SNRPN: variants seen among roughly 807,000 people sequenced by gnomAD.
SNRPN encodes small nuclear ribonucleoprotein-associated protein N.
In SNRPN, 7 loss-of-function variants were observed where a neutral mutation model predicts 25.2. The observed-to-expected ratio is 0.28, with a 90% CI of 0.16 to 0.52. The LOEUF (loss-of-function observed/expected upper bound fraction) is 0.52, where lower values mean the gene tolerates loss of function less well. Among genes scored for constraint, SNRPN ranks in the 20% least tolerant of loss-of-function variants. The pLI is 0.96. For synonymous variants in SNRPN, 124 were observed against 110.6 expected (o/e 1.12, Z -0.76); for missense variants, 196 against 322.5 (o/e 0.61, Z 3.00).
Position 24,834,751 on chromosome 15 carries a change from C to CTCTCTCTATA in SNRPN, c.-579+4847_-579+4848insCTCTCTATAT. Among the ~76,000 whole-genome samples, 118 of 60,946 alleles carry CTCTCTCTATA rather than the reference C, an allele frequency of 1.9e-3. 1 individual carries two copies. Among genetic ancestry groups the CTCTCTCTATA allele is most frequent in the Non-Finnish European group, 2.7e-3 (83 of 30,230 alleles). 40.0% of individuals were successfully genotyped at this position (60,946 alleles called of 152,430 possible). On this transcript the variant is annotated intron_variant, in intron 2 of 12. Coordinates refer to the SNRPN transcript ENST00000400100. Reference sequence around the variant, plus strand: ...TCCCTCTCTCTCTCTCTCTCTCTCTCTATATATATATATATATATATATAT... The same window carrying CTCTCTCTATA: ...TCCCTCTCTCTCTCTCTCTCTCTCTCTCTCTCTATATATATATATATATATATATATATAT...
chr15:24,909,120 T>A (rs1221178510), intron 2 of SNRPN: 8 of 1,338,410 alleles, frequency 6.0e-6, no homozygotes, highest in Middle Eastern at 2.5e-4. Context: ...TCCTCCATCA[T>A]GTCTGGAGTT....
intron 2 of SNRPN, among the ~76,000 whole-genome samples, chr15:24,913,355 T>C (rs2059329363): frequency 6.6e-6 from 1 of 151,428 alleles, no homozygotes; most frequent in Admixed American, 6.6e-5. Flanking sequence ...CAAGAAAGAG[T>C]ATAAGGGCTG....
Position 24,920,894 on chromosome 15 carries a change from T to C in SNRPN, c.-391+770T>C, listed in dbSNP as rs546582487. On this transcript the variant is annotated intron_variant, in intron 3 of 11. Transcript: ENST00000400097. ...TCATTTGCATAGCTATTGCTTTGTG[T>C]CTGTGTTTTAGGTCAGCTGCTGTTA... Among the ~76,000 whole-genome samples the C allele has an allele frequency of 1.2e-4, 18 of 152,338 alleles. No homozygotes were observed. In the East Asian group the frequency reaches 1.7e-3, roughly 15 times the overall value.
rs554069883 is a variant in SNRPN at position 24,908,909 on chromosome 15, A to G, written c.-504-11102A>G. 68 of 927,668 alleles carry G rather than the reference A, an allele frequency of 7.3e-5. 1 individual carries two copies. In the African/African-American group the frequency reaches 1.1e-3, roughly 15 times the overall value. The allele number at this position is 927,668 out of a possible 1,614,324, so 57.5% of individuals were successfully genotyped here. A position where few individuals can be genotyped will look rare whatever the true frequency, so the allele number is the denominator to read the frequency against. On this transcript the variant is annotated intron_variant, in intron 2 of 11. Coordinates refer to the SNRPN transcript ENST00000400097. ...GTTTATTGTCTGTATCTGAAAAATC[A>G]TCATAGAAAATTGTTTGGTTTAGCT...
chr15:24,896,517 C>A (rs939956749), intron 2 of SNRPN, among the ~76,000 whole-genome samples: 1 of 151,778 alleles, frequency 6.6e-6, no homozygotes, highest in Non-Finnish European at 1.5e-5. Context: ...GAGACCCCCC[C>A]GCCGGCTAAC....
chr15:24,867,790 A>G (rs2054721721), intron 1 of SNRPN, among the ~76,000 whole-genome samples: 1 of 152,158 alleles, frequency 6.6e-6, no homozygotes, highest in Non-Finnish European at 1.5e-5. Context: ...GATTATTGAT[A>G]ATAGCAGATT....
intron 1 of SNRPN, among the ~76,000 whole-genome samples, chr15:24,876,058 A>T (rs1182302950): frequency 6.6e-6 from 1 of 151,328 alleles, no homozygotes; most frequent in African/African-American, 2.4e-5. Context: ...TGTCTCAAAA[A>T]AAAAAGAAAA....
chr15:24,938,641 G>A (rs190420571), intron 3 of SNRPN, among the ~76,000 whole-genome samples: 11 of 152,324 alleles, frequency 7.2e-5, no homozygotes, highest in Admixed American at 6.5e-4. Flanking sequence ...CACATCACGT[G>A]AGGAGCACTA....
intron 3 of SNRPN, among the ~76,000 whole-genome samples, chr15:24,937,964 T>C (rs1038910725): frequency 2.6e-5 from 4 of 152,226 alleles, no homozygotes; most frequent in Non-Finnish European, 4.4e-5. Flanking sequence ...CTTTTTGAGG[T>C]TGAATGATAC....
At position 24,828,843 on chromosome 15, in the gene SNRPN, A is replaced by C. The variant is rs1027688092; in HGVS notation, c.-686-955A>C. On this transcript the variant is annotated intron_variant, in intron 1 of 12. Coordinates refer to the SNRPN transcript ENST00000400100. ...TTCGTTTAAAAGGGCAAAATTAAAA[A>C]ATTCTTTCCAGATAGAAAGAATAGG... 1.2e-4 allele frequency among the ~76,000 whole-genome samples: 19 copies of C among 152,144 alleles called. 1 individual carries two copies. Among genetic ancestry groups the C allele is most frequent in the Admixed American group, 8.5e-4 (13 of 15,276 alleles).
intron 2 of SNRPN, among the ~76,000 whole-genome samples, chr15:24,831,718 A>C (rs1240558140): frequency 1.3e-5 from 2 of 151,974 alleles, no homozygotes; most frequent in South Asian, 2.1e-4. Flanking sequence ...ACATGGGTTC[A>C]TGTGGTATTT....
intron 2 of SNRPN, chr15:24,849,747 C>G (rs1428261650): frequency 6.6e-6 from 1 of 152,136 alleles, no homozygotes; most frequent in African/African-American, 2.4e-5. Context: ...CTGTGGGAGT[C>G]TGGATGAGGG....
rs71127030 is a variant in SNRPN at position 24,958,486 on chromosome 15, G to GTTTTTTT, written c.-391+3452_-391+3458dup. On this transcript the variant is annotated intron_variant, in intron 1 of 9. Coordinates refer to ENST00000390687, the MANE Select transcript of SNRPN (RefSeq NM_003097.6). ...ATTTCTGGATGCTAGCTGGCTCAAA[G>GTTTTTTT]TTTTTTTTTTTTTTTTTTTTTTTTT... Among the ~76,000 whole-genome samples, 12 of 65,298 alleles carry GTTTTTTT rather than the reference G, an allele frequency of 1.8e-4. 2 individuals carry two copies. The highest frequency in any genetic ancestry group is 5.2e-4 in the East Asian group (1 of 1,928). 42.8% of individuals were successfully genotyped at this position (65,298 alleles called of 152,430 possible).
chr15:24,830,801 T>G (rs1325895628), intron 2 of SNRPN, among the ~76,000 whole-genome samples: 8 of 152,152 alleles, frequency 5.3e-5, no homozygotes, highest in Non-Finnish European at 1.0e-4. Context: ...ATTGTATTAG[T>G]CTGATTCTTT....
intron 3 of SNRPN, among the ~76,000 whole-genome samples, chr15:24,938,426 C>T (rs144911164): frequency 6.6e-6 from 1 of 152,094 alleles, no homozygotes; most frequent in Non-Finnish European, 1.5e-5. Flanking sequence ...CCATGCCTGG[C>T]CTTCTGCTTC....
upstream of SNRPN, among the ~76,000 whole-genome samples, chr15:24,950,317 C>T (rs2062162013): frequency 6.6e-6 from 1 of 150,926 alleles, no homozygotes; most frequent in Non-Finnish European, 1.5e-5. Context: ...GCTGGGACTA[C>T]AGGTGCGTGC....
intron 2 of SNRPN, chr15:24,848,816 C>T (rs369134195): frequency 1.3e-5 from 2 of 151,988 alleles, no homozygotes; most frequent in East Asian, 3.9e-4. Context: ...TCCCCACAGT[C>T]TCTATTTTCA....
chr15:24,907,606 GA>G (rs1243422080), intron 2 of SNRPN, among the ~76,000 whole-genome samples: 1 of 151,268 alleles, frequency 6.6e-6, no homozygotes, highest in African/African-American at 2.4e-5. Context: ...TCAAAAAAAA[GA>G]AAAAAATCAT....
intron 3 of SNRPN, among the ~76,000 whole-genome samples, chr15:24,943,268 C>A (rs930068878): frequency 1.3e-5 from 2 of 152,010 alleles, no homozygotes; most frequent in African/African-American, 4.8e-5. Context: ...TTTGTCTTCA[C>A]CACTCTTCTT....
Sources: gnomAD v4.1 joint callset for allele counts (sites outside exome capture counted in the v4.1 genomes callset) on GRCh38, gnomAD v4.1.1 for gene constraint, MANE v1.5 for transcripts, NCBI Gene and HGNC (gene_info 2026-07-23, HGNC 2026-07-21) for gene names.